Variants in ESAM observed in about 807,000 individuals in gnomAD.
The protein encoded by ESAM is endothelial cell-selective adhesion molecule.
A neutral mutation model predicts 31.8 loss-of-function variants in ESAM; 23 were observed. The observed-to-expected ratio is 0.72, with a 90% CI of 0.52 to 1.03. ESAM has a LOEUF of 1.03. ESAM is among the 50% of genes least tolerant of loss of function. ESAM has a pLI of 0.00. For synonymous variants in ESAM, 216 were observed against 207.2 expected (o/e 1.04, Z -0.37); for missense variants, 478 against 488.9 (o/e 0.98, Z 0.21).
chr11:124,755,259 G>A (rs576697640), intron 4 of ESAM, among the ~76,000 whole-genome samples: 9 of 152,254 alleles, frequency 5.9e-5, no homozygotes, highest in Non-Finnish European at 1.3e-4. Flanking sequence ...GAATGTTTAG[G>A]GGGGAGGGAT....
At position 124,756,191 on chromosome 11, in the gene ESAM, C is replaced by G. The variant is rs774984719; in HGVS notation, c.607+16G>C. 15 of 1,612,822 alleles carry G rather than the reference C, an allele frequency of 9.3e-6. No homozygotes were observed. In the East Asian group the frequency reaches 3.3e-4, roughly 36 times the overall value. On this transcript the variant is annotated intron_variant, in intron 4 of 6. Transcript: ENST00000278927. ...TCCCCAGCCACAGTGTCCACTGTTT[C>G]CAGTAGTGTCCTCACCTAATGCTGG...
chr11:124,760,332 T>A (rs1944212662), intron 1 of ESAM, among the ~76,000 whole-genome samples: 1 of 152,208 alleles, frequency 6.6e-6, no homozygotes, highest in Non-Finnish European at 1.5e-5. Flanking sequence ...CGAAGGACAC[T>A]GGGACAGCCC....
At position 124,754,590 on chromosome 11, in the gene ESAM, C is replaced by T. The variant is rs961239453; in HGVS notation, c.730+51G>A. The T allele has an allele frequency of 2.5e-6, 4 of 1,577,690 alleles. No homozygotes were observed. Among genetic ancestry groups the T allele is most frequent in the South Asian group, 1.2e-5 (1 of 85,378 alleles). The stretch of plus-strand genomic sequence containing the variant: ...GACAGGCCTCCTCCCCACTTGCAAC[C>T]CCTCCCCCACCATTGACCACTCTTC... On this transcript the variant is annotated intron_variant, in intron 5 of 6. Transcript: ENST00000278927. The surrounding 1 kb of genome is among the most constrained non-coding windows in gnomAD (Gnocchi z 4.5).
At position 124,756,313 on chromosome 11, in the gene ESAM, C is replaced by G. The variant is rs756303624; in HGVS notation, c.501G>C (p.Gly167=). 1.2e-6 allele frequency: 2 copies of G among 1,612,666 alleles called. No homozygotes were observed. The highest frequency in any genetic ancestry group is 1.1e-5 in the South Asian group (1 of 90,776). Residue 167 remains glycine (G), a synonymous_variant, in exon 4 of 7, where the codon GGG becomes GGC. Coordinates refer to ENST00000278927, the MANE Select transcript of ESAM (RefSeq NM_138961.3). ...SCRLQGVPHV[G]ANVTLSCQSP... is the part of the protein sequence containing the mutation. Reference sequence around the variant, plus strand: ...ACTGGCAGCTCAGGGTCACGTTTGCCCCCACATGGGGCACACCCTGGAGAC... The same window carrying G: ...ACTGGCAGCTCAGGGTCACGTTTGCGCCCACATGGGGCACACCCTGGAGAC...
rs780843171 is a variant in ESAM, at chr11:124,758,338, T to TCTTC, written c.249+7_249+10dup. On this transcript the variant is annotated intron_variant, in intron 2 of 6. Transcript: ENST00000278927. ...CAACTTGCCGCTGGCTGACAGGCGTTCTTCCCTCACCTGATCCTCCTTTTC... is the reference window on the plus strand; with the variant it reads ...CAACTTGCCGCTGGCTGACAGGCGTTCTTCCTTCCCTCACCTGATCCTCCTTTTC... The TCTTC allele has an allele frequency of 1.2e-6, 2 of 1,613,938 alleles. No homozygotes were observed.
rs771512227 is a variant in ESAM at position 124,762,195 on chromosome 11, G to A, written c.-41C>T. Reference sequence around the variant, plus strand: ...GGACGGAGTCAGGGGCGCCAGCCGCGGGACGCACGGACCTGCAGGTGCCGA... The same window carrying A: ...GGACGGAGTCAGGGGCGCCAGCCGCAGGACGCACGGACCTGCAGGTGCCGA... On this transcript the variant is annotated 5_prime_UTR_variant, in exon 1 of 7. Transcript: ENST00000278927. This position sits in a 1 kb window ranked among gnomAD's most constrained non-coding sequence, Gnocchi z 6.4. 22 of 1,532,664 alleles carry A rather than the reference G, an allele frequency of 1.4e-5. No individual in the cohort carries two copies. The highest frequency in any genetic ancestry group is 2.0e-5 in the Non-Finnish European group (22 of 1,125,836). The allele number at this position is 1,532,664 out of a possible 1,614,324, so 94.9% of individuals were successfully genotyped here.
At position 124,758,471 on chromosome 11, in the gene ESAM, C is replaced by A; in HGVS notation, c.127G>T (p.Val43Leu). ...GGAAGCACCACTTCCCCTCCCTCCA[C>A]CGCCTGCAACCGGTTGGCGGGCAAG... ...LHLPANRLQA[V>L]EGGEVVLPAW... Residue 43 changes from valine to leucine, a missense_variant, in exon 2 of 7, where the codon GTG becomes TTG. By Grantham distance (32) the Val-to-Leu change is conservative. Coordinates refer to ENST00000278927, the MANE Select transcript of ESAM (RefSeq NM_138961.3). 1.2e-6 allele frequency: 2 copies of A among 1,611,260 alleles called. No homozygotes were observed. Among genetic ancestry groups the A allele is most frequent in the Non-Finnish European group, 1.7e-6 (2 of 1,178,750 alleles).
chr11:124,758,731 C>G (rs1565442696), intron 1 of ESAM, among the ~76,000 whole-genome samples: 1 of 152,232 alleles, frequency 6.6e-6, no homozygotes, highest in Non-Finnish European at 1.5e-5. Context: ...CACGACTTCT[C>G]TCCACCGCCA....
rs949082150 is a variant in ESAM at position 124,758,515 on chromosome 11, C to A, written c.83G>T (p.Arg28Leu). The A allele has an allele frequency of 3.2e-6, 5 of 1,570,338 alleles. No homozygotes were observed. The highest frequency in any genetic ancestry group is 1.9e-5 in the Admixed American group (1 of 52,974). The change falls in exon 2 of 7, where the codon CGG (arginine) becomes CTG (leucine). Residue 28 changes from arginine (R) to leucine (L), a missense_variant. Coordinates refer to ENST00000278927, the MANE Select transcript of ESAM (RefSeq NM_138961.3). ...LGLSALAPPS[R>L]AQLQLHLPAN... ...GGGCAAGTGCAGTTGCAGCTGGGCC[C>A]GCGAGGGGGGCGCTGGAGACAAGAG...
chr11:124,756,874 C>T, intron 2 of ESAM, 132 bp from the exon 3 acceptor site: 1 of 920,632 alleles, frequency 1.1e-6, no homozygotes. Flanking sequence ...TAACCTGAAC[C>T]AGCTCCCCAT....
intron 1 of ESAM, 105 bp downstream of exon 1, chr11:124,761,980 C>T: frequency 1.0e-6 from 1 of 993,582 alleles, no homozygotes; most frequent in East Asian, 2.8e-5. Flanking sequence ...GGGAGGAGGG[C>T]GAGTCGTGGG....
chr11:124,758,549 G>A (rs1288778268), intron 1 of ESAM, 22 bp from the exon 2 acceptor site: 1 of 1,507,508 alleles, frequency 6.6e-7, no homozygotes, highest in Non-Finnish European at 8.9e-7. Context: ...AGCGAGGCGT[G>A]AGTGCCCAGG....
intron 1 of ESAM, among the ~76,000 whole-genome samples, chr11:124,761,655 T>C (rs972041936): frequency 1.3e-5 from 2 of 151,776 alleles, no homozygotes; most frequent in African/African-American, 2.4e-5. Flanking sequence ...GGACCAGGGG[T>C]ATTTCCCCGG....
At chr11:124,757,736 C>T (rs933347410) in intron 2 of ESAM, among the ~76,000 whole-genome samples, 14 of 144,308 alleles carry the variant, frequency 9.7e-5, no homozygotes, top group South Asian at 2.2e-4. Flanking sequence ...CTTACTCCGT[C>T]GCCCAGGCTG....
rs1307310229 is a variant in ESAM at position 124,756,324 on chromosome 11, G to T, written c.490C>A (p.Pro164Thr). Residue 164 changes from proline to threonine, a missense_variant, in exon 4 of 7, where the codon CCC becomes ACC. Transcript: ENST00000278927. ...AGGGTCACGTTTGCCCCCACATGGGGCACACCCTGGAGACGGCAGGATGGA... is the reference window on the plus strand; with the variant it reads ...AGGGTCACGTTTGCCCCCACATGGGTCACACCCTGGAGACGGCAGGATGGA... ...APPSCRLQGV[P>T]HVGANVTLSC... The T allele has an allele frequency of 1.2e-6, 2 of 1,611,110 alleles. No homozygotes were observed. Among genetic ancestry groups the T allele is most frequent in the Non-Finnish European group, 1.7e-6 (2 of 1,178,680 alleles).
rs1212521877 is a variant in ESAM, at chr11:124,754,464, G to T, written c.731-124C>A. 1 of 1,502,266 alleles carries T rather than the reference G, an allele frequency of 6.7e-7. No homozygotes were observed. The highest frequency in any genetic ancestry group is 8.9e-7 in the Non-Finnish European group (1 of 1,118,944). 93.1% of individuals were successfully genotyped at this position (1,502,266 alleles called of 1,614,324 possible). On this transcript the variant is annotated intron_variant, in intron 5 of 6. Transcript: ENST00000278927. The surrounding 1 kb of genome is among the most constrained non-coding windows in gnomAD (Gnocchi z 4.5). The stretch of plus-strand genomic sequence containing the variant: ...CCTCTTTTTCCCTGTCAAGAAGAGG[G>T]GTGGCTGTTGAGCAGGAAATGACCA...
chr11:124,762,194 C>T lies in ESAM; in HGVS notation c.-40G>A. The T allele has an allele frequency of 6.5e-7, 1 of 1,532,294 alleles. No homozygotes were observed. The highest frequency in any genetic ancestry group is 8.9e-7 in the Non-Finnish European group (1 of 1,125,936). The allele number at this position is 1,532,294 out of a possible 1,614,324, so 94.9% of individuals were successfully genotyped here. On this transcript the variant is annotated 5_prime_UTR_variant, in exon 1 of 7. Coordinates refer to ENST00000278927, the MANE Select transcript of ESAM (RefSeq NM_138961.3). The surrounding 1 kb of genome is among the most constrained non-coding windows in gnomAD (Gnocchi z 6.4). ...GGGACGGAGTCAGGGGCGCCAGCCG[C>T]GGGACGCACGGACCTGCAGGTGCCG...
chr11:124,758,294 T>C (rs1244377557), intron 2 of ESAM, 55 bp downstream of exon 2: 9 of 1,608,598 alleles, frequency 5.6e-6, no homozygotes, highest in Non-Finnish European at 6.8e-6. Context: ...AGCTCTTTGC[T>C]TACAACCCCC....
chr11:124,754,303 A>G lies in ESAM; in HGVS notation c.768T>C (p.Gly256=), dbSNP rs758018030. ...GAAVVAGAVV[G]TLVGLGLLAG... is the part of the protein sequence containing the mutation. ...CCAGCAACCCCAGTCCAACCAGGGT[A>G]CCCACAACAGCTCCAGCAACCACTG... The change falls in exon 6 of 7, where the codon GGT becomes GGC. Residue 256 remains glycine, a synonymous_variant. Coordinates refer to ENST00000278927, the MANE Select transcript of ESAM (RefSeq NM_138961.3). This position sits in a 1 kb window ranked among gnomAD's most constrained non-coding sequence, Gnocchi z 4.5. The G allele has an allele frequency of 2.7e-5, 44 of 1,614,076 alleles. No homozygotes were observed. The highest frequency in any genetic ancestry group is 3.6e-5 in the Non-Finnish European group (43 of 1,180,002).
Sources: allele counts gnomAD v4.1 joint callset (sites outside exome capture counted in the v4.1 genomes callset), GRCh38; gene constraint gnomAD v4.1.1; non-coding constraint Gnocchi (gnomAD v3.1); transcripts MANE v1.5; gene names NCBI Gene and HGNC (gene_info 2026-07-23, HGNC 2026-07-21).